CNTN4: variants seen among roughly 807,000 people sequenced by gnomAD.
The protein encoded by CNTN4 is contactin 4, also known as contactin-4.
CNTN4 carries 77 observed loss-of-function variants against 122.5 expected under a neutral mutation model. The observed-to-expected ratio is 0.63, with a 90% confidence interval of 0.52 to 0.76. CNTN4 has a LOEUF of 0.76. CNTN4 is among the 30% of genes least tolerant of loss of function. The pLI is 0.00. For synonymous variants in CNTN4, 512 were observed against 447.0 expected (o/e 1.15, Z -1.83); for missense variants, 1,256 against 1,259.1 (o/e 1.00, Z 0.04).
intron 14 of CNTN4, among the ~76,000 whole-genome samples, chr3:2,992,971 A>G (rs1695187633): frequency 1.3e-5 from 2 of 152,120 alleles, no homozygotes; most frequent in African/African-American, 4.8e-5. Flanking sequence ...AAAAACCTAC[A>G]TTTAAAATAA....
rs139004025 is a variant in CNTN4, at chr3:2,640,755, A to G, written c.55+69197A>G. 5.6e-3 allele frequency among the ~76,000 whole-genome samples: 847 copies of G among 152,322 alleles called. 13 individuals carry two copies. Among genetic ancestry groups the G allele is most frequent in the African/African-American group, 0.019 (802 of 41,574 alleles). On this transcript the variant is annotated intron_variant, in intron 4 of 24. Coordinates refer to ENST00000418658, the MANE Select transcript of CNTN4 (RefSeq NM_175607.3). ...TACTAACATCACTATTCAAGCCTTGATGACAGATTTTCCACTCCTGTGATA... is the reference window on the plus strand; with the variant it reads ...TACTAACATCACTATTCAAGCCTTGGTGACAGATTTTCCACTCCTGTGATA...
intron 3 of CNTN4, among the ~76,000 whole-genome samples, chr3:2,398,794 C>G (rs762015072): frequency 3.3e-5 from 5 of 152,164 alleles, no homozygotes; most frequent in Non-Finnish European, 7.4e-5. Context: ...GACTTGATCC[C>G]AAATGATGGG....
intron 6 of CNTN4, among the ~76,000 whole-genome samples, chr3:2,762,378 C>T (rs1302730984): frequency 2.6e-5 from 4 of 152,136 alleles, no homozygotes; most frequent in Admixed American, 6.5e-5. Flanking sequence ...CTATGACCTC[C>T]GATAGGTCCC....
At chr3:2,726,855 G>T (rs1559434500) in intron 4 of CNTN4, among the ~76,000 whole-genome samples, 1 of 152,110 alleles carries the variant, frequency 6.6e-6, no homozygotes, top group Non-Finnish European at 1.5e-5. Context: ...ATTCATATTG[G>T]CTTATCGATT....
chr3:2,377,805 G>T (rs2045877994), intron 3 of CNTN4, among the ~76,000 whole-genome samples: 1 of 150,914 alleles, frequency 6.6e-6, no homozygotes, highest in Non-Finnish European at 1.5e-5. Context: ...GTTATTGTTA[G>T]TGTTAGTGTA....
chr3:2,429,259 T>G (rs1008478941), intron 3 of CNTN4, among the ~76,000 whole-genome samples: 6 of 152,198 alleles, frequency 3.9e-5, no homozygotes, highest in African/African-American at 1.4e-4. Flanking sequence ...GATGGGATTT[T>G]GTTGTGGATG....
intron 2 of CNTN4, among the ~76,000 whole-genome samples, chr3:2,207,240 C>A (rs897442728): frequency 4.0e-5 from 6 of 151,842 alleles, no homozygotes; most frequent in Admixed American, 3.3e-4. Flanking sequence ...GAAATTAGGC[C>A]GATTAATAAC....
chr3:2,448,618 C>T (rs943810034), intron 3 of CNTN4, among the ~76,000 whole-genome samples: 9 of 152,158 alleles, frequency 5.9e-5, no homozygotes, highest in African/African-American at 1.9e-4. Flanking sequence ...TCTGCATATT[C>T]CCATGGAGCC....
intron 4 of CNTN4, among the ~76,000 whole-genome samples, chr3:2,657,720 T>A (rs1268034563): frequency 1.3e-5 from 2 of 152,088 alleles, no homozygotes; most frequent in Non-Finnish European, 1.5e-5. Flanking sequence ...GAGATAGATA[T>A]TCAAAATGGC....
chr3:2,839,986 T>C (rs116086350), intron 7 of CNTN4, among the ~76,000 whole-genome samples: 1,555 of 152,236 alleles, frequency 0.01, 14 homozygotes, highest in East Asian at 0.02. Flanking sequence ...TCTCCTGATT[T>C]AGAAGGTCTA....
intron 2 of CNTN4, among the ~76,000 whole-genome samples, chr3:2,314,795 C>G (rs767382189): frequency 6.6e-6 from 1 of 151,848 alleles, no homozygotes; most frequent in Admixed American, 6.6e-5. Context: ...TGCGATATCT[C>G]TAAATCTAAT....
At position 3,039,731 on chromosome 3, in the gene CNTN4, C is replaced by G. The variant is rs190355546; in HGVS notation, c.2164-306C>G. The G allele has an allele frequency of 1.2e-4, 46 of 381,198 alleles. 1 individual carries two copies. Among genetic ancestry groups the G allele is most frequent in the African/African-American group, 9.4e-4 (45 of 48,108 alleles). 23.6% of individuals were successfully genotyped at this position (381,198 alleles called of 1,614,324 possible). A position where few individuals can be genotyped will look rare whatever the true frequency, so the allele number is the denominator to read the frequency against. The stretch of plus-strand genomic sequence containing the variant: ...GATACGTGTTGGAAATGTGGTTTTT[C>G]AGGAGACCGATGTCCAGTGTTTTTT... On this transcript the variant is annotated intron_variant, in intron 19 of 24. Transcript: ENST00000418658.
intron 8 of CNTN4, among the ~76,000 whole-genome samples, chr3:2,867,224 G>A (rs919764102): frequency 1.3e-5 from 2 of 152,138 alleles, no homozygotes; most frequent in African/African-American, 4.8e-5. Flanking sequence ...GGTATTTCTT[G>A]TTTCTCTCCC....
intron 2 of CNTN4, among the ~76,000 whole-genome samples, chr3:2,183,763 T>G (rs987930899): frequency 6.6e-6 from 1 of 152,146 alleles, no homozygotes; most frequent in Non-Finnish European, 1.5e-5. Context: ...ATACATGGAA[T>G]GTCATATTTG....
chr3:2,489,115 A>T (rs959227678), intron 3 of CNTN4, among the ~76,000 whole-genome samples: 1 of 152,040 alleles, frequency 6.6e-6, no homozygotes, highest in Non-Finnish European at 1.5e-5. Flanking sequence ...GCATGTATTG[A>T]CTCAGTTTAC....
chr3:2,199,750 A>T (rs555481721), intron 2 of CNTN4, among the ~76,000 whole-genome samples: 39 of 152,292 alleles, frequency 2.6e-4, no homozygotes, highest in African/African-American at 8.4e-4. Flanking sequence ...CAAGACAAAC[A>T]CCCAATACAT....
intron 12 of CNTN4, among the ~76,000 whole-genome samples, chr3:2,917,314 G>T (rs1280561190): frequency 6.7e-6 from 1 of 148,558 alleles, no homozygotes; most frequent in Non-Finnish European, 1.5e-5. Context: ...CGAGGCAGAG[G>T]GGGAGATGGT....
chr3:2,814,524 A>C (rs2092685053), intron 6 of CNTN4, among the ~76,000 whole-genome samples: 1 of 152,260 alleles, frequency 6.6e-6, no homozygotes, highest in African/African-American at 2.4e-5. Context: ...AAGCAGAGGA[A>C]TAGAAGATTT....
chr3:2,188,446 C>T (rs2037374267), intron 2 of CNTN4, among the ~76,000 whole-genome samples: 1 of 152,120 alleles, frequency 6.6e-6, no homozygotes, highest in African/African-American at 2.4e-5. Flanking sequence ...TCAAGTTCTC[C>T]TGAGGAAGAT....
Sources: gnomAD v4.1 joint callset for allele counts (sites outside exome capture counted in the v4.1 genomes callset) on GRCh38, gnomAD v4.1.1 for gene constraint, MANE v1.5 for transcripts, NCBI Gene and HGNC (gene_info 2026-07-23, HGNC 2026-07-21) for gene names.